RUBCN: variants seen among roughly 807,000 people sequenced by gnomAD.
The protein encoded by RUBCN is rubicon autophagy regulator.
RUBCN carries 74 observed loss-of-function variants against 113.2 expected under a neutral mutation model. The observed-to-expected ratio is 0.65, with a 90% confidence interval of 0.54 to 0.79. The LOEUF (loss-of-function observed/expected upper bound fraction) is 0.79, where lower values mean the gene tolerates loss of function less well. Among genes scored for constraint, RUBCN ranks in the 30% least tolerant of loss-of-function variants. The probability of loss-of-function intolerance (pLI) is 0.00; values close to 1 mark genes in which losing one functional copy is unlikely to be tolerated. For missense variants in RUBCN, 1,109 were observed against 1,251.7 expected, an observed-to-expected ratio of 0.89 and a Z score of 1.72; for synonymous variants, 480 against 490.0, an observed-to-expected ratio of 0.98 and a Z score of 0.27.
chr3:197,703,799 C>T (rs992084097), intron 4 of RUBCN, 145 bp from the exon 5 acceptor site: 33 of 682,774 alleles, frequency 4.8e-5, no homozygotes, highest in Middle Eastern at 3.7e-4. Context: ...AGCTGAAGAA[C>T]GCGAGGTGCA....
In RUBCN at chr3:197,681,936, A is replaced by T; in HGVS notation, c.2127-37T>A. On this transcript the variant is annotated intron_variant, in intron 14 of 19. Transcript: ENST00000296343. The surrounding 1 kb of genome is among the most constrained non-coding windows in gnomAD (Gnocchi z 5.5). The stretch of plus-strand genomic sequence containing the variant: ...TAAGGACAGGGCATTGGCACAGAGC[A>T]GCTGCGTGAGACCTTGGAGGTGTGA... 6.5e-7 allele frequency: 1 copy of T among 1,534,106 alleles called. No individual in the cohort carries two copies. Among genetic ancestry groups the T allele is most frequent in the Non-Finnish European group, 9.0e-7 (1 of 1,107,392 alleles).
chr3:197,707,780 C>T (rs1724479979), intron 2 of RUBCN, among the ~76,000 whole-genome samples: 1 of 151,924 alleles, frequency 6.6e-6, no homozygotes, highest in South Asian at 2.1e-4. Context: ...GCCTGGTCAA[C>T]ATGGTGAAAC....
chr3:197,686,531 CG>C (rs1721870332), intron 11 of RUBCN, among the ~76,000 whole-genome samples: 1 of 152,186 alleles, frequency 6.6e-6, no homozygotes, highest in Admixed American at 6.5e-5. Flanking sequence ...CCTGGGCCTG[CG>C]CTGCAGCCCT....
chr3:197,701,996 G>A (rs905434147), intron 5 of RUBCN, 132 bp from the exon 6 acceptor site: 1 of 790,790 alleles, frequency 1.3e-6, no homozygotes, highest in Non-Finnish European at 2.1e-6. Flanking sequence ...GCCAGAGCCT[G>A]TAGATACAGC....
chr3:197,707,462 T>C (rs1465200598), intron 2 of RUBCN, among the ~76,000 whole-genome samples: 1 of 152,178 alleles, frequency 6.6e-6, no homozygotes, highest in Non-Finnish European at 1.5e-5. Context: ...TCAAGAAATA[T>C]TGTTGAGAAA....
intron 1 of RUBCN, among the ~76,000 whole-genome samples, chr3:197,726,621 C>G (rs2108985276): frequency 6.7e-6 from 1 of 150,004 alleles, no homozygotes; most frequent in South Asian, 2.1e-4. Context: ...CTCACTGCAA[C>G]CTCTGCCTCC....
rs1175294974 is a variant in RUBCN, at chr3:197,671,713, A to G, written c.*3305T>C. On this transcript the variant is annotated 3_prime_UTR_variant, in exon 20 of 20. Transcript: ENST00000296343. ...GAGAAAGATGCTAGCTGCTCACAGA[A>G]GTGGGAACTGAAGCATCTAAGGCAA... is the stretch of plus-strand genomic sequence containing the variant. The G allele has an allele frequency of 6.6e-6, 1 of 152,248 alleles. No individual in the cohort carries two copies. The highest frequency in any genetic ancestry group is 2.4e-5 in the African/African-American group (1 of 41,456). The allele number at this position is 152,248 out of a possible 1,614,324, so 9.4% of individuals were successfully genotyped here.
In RUBCN at chr3:197,683,268, A is replaced by G. The variant is rs745937880; in HGVS notation, c.1980+39T>C. On this transcript the variant is annotated intron_variant, in intron 13 of 19. Transcript: ENST00000296343. The surrounding 1 kb of genome is among the most constrained non-coding windows in gnomAD (Gnocchi z 4.6). ...AAGGAAAACAAGGTCACAGAGGCTC[A>G]CGATGGCCCCTGGGTAGGAAGAAGA... The G allele has an allele frequency of 2.6e-5, 42 of 1,613,804 alleles. 1 individual carries two copies. The South Asian group carries it at 4.4e-4, about 17-fold the overall frequency.
chr3:197,682,600 C>T lies in RUBCN; in HGVS notation c.1996G>A (p.Asp666Asn). ...TCATCCGGTGAGATGGGCAGTGAGT[C>T]AGGAATGGGCAGGAGCTGCAGGAGG... ...DAPQKLLPIP[D>N]SLPISPDDGQ... is the part of the protein sequence containing the mutation. Residue 666 changes from aspartate to asparagine, a missense_variant, in exon 14 of 20, where the codon GAC becomes AAC. Around this residue, in one of 3 missense-constraint regions of RUBCN, gnomAD observed 67 missense variants for 123.2 expected, o/e 0.54. Coordinates refer to ENST00000296343, the MANE Select transcript of RUBCN (RefSeq NM_014687.4). The T allele has an allele frequency of 1.2e-6, 2 of 1,613,936 alleles. No individual in the cohort carries two copies. The highest frequency in any genetic ancestry group is 1.7e-6 in the Non-Finnish European group (2 of 1,179,950).
intron 11 of RUBCN, among the ~76,000 whole-genome samples, chr3:197,687,374 G>A (rs1169171906): frequency 2.0e-5 from 3 of 152,230 alleles, no homozygotes; most frequent in African/African-American, 7.2e-5. Context: ...GCTCATCAAC[G>A]TTCCTTTTTA....
upstream of RUBCN, among the ~76,000 whole-genome samples, chr3:197,738,690 T>C (rs1021469197): frequency 2.0e-4 from 30 of 151,830 alleles, no homozygotes; most frequent in African/African-American, 7.3e-4. Flanking sequence ...AAGCGGATCC[T>C]CTCACCTCAG....
In RUBCN at chr3:197,682,628, A is replaced by C. The variant is rs1216220440; in HGVS notation, c.1981-13T>G. 3.1e-6 allele frequency: 5 copies of C among 1,601,870 alleles called. No homozygotes were observed. Among genetic ancestry groups the C allele is most frequent in the Non-Finnish European group, 3.4e-6 (4 of 1,172,980 alleles). ...GAATGGGCAGGAGCTGCAGGAGGAA[A>C]GCACAGTTGGGGTAAGCTCGTGTCA... is the stretch of plus-strand genomic sequence containing the variant. On this transcript the variant is annotated splice_polypyrimidine_tract_variant and intron_variant, in intron 13 of 19. Coordinates refer to ENST00000296343, the MANE Select transcript of RUBCN (RefSeq NM_014687.4).
At position 197,681,054 on chromosome 3, in the gene RUBCN, C is replaced by A. The variant is rs557323549; in HGVS notation, c.2430+75G>T. ...AAGAGGAGGGGATGGGGGGAGGGGA[C>A]GGGGGAGGGACGAGGGGAGGGGATG... On this transcript the variant is annotated intron_variant, in intron 16 of 19. Coordinates refer to ENST00000296343, the MANE Select transcript of RUBCN (RefSeq NM_014687.4). The surrounding 1 kb of genome is among the most constrained non-coding windows in gnomAD (Gnocchi z 5.5). The A allele has an allele frequency of 1.7e-6, 1 of 578,916 alleles. No homozygotes were observed. The allele number at this position is 578,916 out of a possible 1,614,324, so 35.9% of individuals were successfully genotyped here. A position where few individuals can be genotyped will look rare whatever the true frequency, so the allele number is the denominator to read the frequency against.
intron 1 of RUBCN, among the ~76,000 whole-genome samples, chr3:197,747,598 A>ATTT (rs1308274716): frequency 6.6e-6 from 1 of 152,146 alleles, no homozygotes; most frequent in East Asian, 1.9e-4. Context: ...TACCTGAAGT[A>ATTT]CAAAATGCCT....
At chr3:197,682,803 TC>T (rs1721398825) in intron 13 of RUBCN, among the ~76,000 whole-genome samples, 188 bp from the exon 14 acceptor site, 1 of 152,104 alleles carries the variant, frequency 6.6e-6, no homozygotes, top group African/African-American at 2.4e-5. Flanking sequence ...GAAAGACATT[TC>T]AGGAACACCA....
At chr3:197,697,430 A>G (rs1449042595) in intron 7 of RUBCN, among the ~76,000 whole-genome samples, 1 of 152,262 alleles carries the variant, frequency 6.6e-6, no homozygotes, top group Admixed American at 6.5e-5. Flanking sequence ...AAACAAAGAC[A>G]AGTGCATTGA....
chr3:197,689,735 G>C (rs1722220695), intron 11 of RUBCN, among the ~76,000 whole-genome samples: 1 of 152,206 alleles, frequency 6.6e-6, no homozygotes, highest in Admixed American at 6.5e-5. Context: ...GTGATATTTT[G>C]ATACATGCAT....
At chr3:197,743,937 T>G (rs1299518518) in intron 1 of RUBCN, among the ~76,000 whole-genome samples, 1 of 152,010 alleles carries the variant, frequency 6.6e-6, no homozygotes, top group African/African-American at 2.4e-5. Context: ...TGAGTCAAGA[T>G]TGCGCCACTG....
chr3:197,719,192 T>A (rs887110078), intron 1 of RUBCN, among the ~76,000 whole-genome samples: 79 of 152,216 alleles, frequency 5.2e-4, no homozygotes, highest in African/African-American at 1.9e-3. Flanking sequence ...AAGAACATCA[T>A]GAGGCTGGAC....
Sources: gnomAD v4.1 joint callset for allele counts (sites outside exome capture counted in the v4.1 genomes callset) on GRCh38, gnomAD v4.1.1 for gene constraint, gnomAD v4.1.1 regional missense constraint, Gnocchi (gnomAD v3.1) non-coding constraint, MANE v1.5 for transcripts, NCBI Gene and HGNC (gene_info 2026-07-23, HGNC 2026-07-21) for gene names.